SI: variants seen among roughly 807,000 people sequenced by gnomAD.
SI encodes sucrase-isomaltase, intestinal.
In SI, 235 loss-of-function variants were observed where a neutral mutation model predicts 253.3. That is an observed-to-expected ratio of 0.93 (90% CI 0.83 to 1.03). The LOEUF is 1.03. Ranked by LOEUF, SI falls within the 50% of genes least tolerant of loss-of-function variation. The pLI is 0.00. For synonymous variants in SI, 819 were observed against 712.0 expected (o/e 1.15, Z -2.39); for missense variants, 2,442 against 2,211.1 (o/e 1.10, Z -2.09).
chr3:165,087,915 G>T, the SI span, among the ~76,000 whole-genome samples: 1 of 152,130 alleles, frequency 6.6e-6, no homozygotes, highest in African/African-American at 2.4e-5. Context: ...ATTCTATGAA[G>T]TTTTAATGCC....
the SI span, among the ~76,000 whole-genome samples, chr3:165,089,278 G>C: frequency 6.6e-6 from 1 of 152,014 alleles, no homozygotes; most frequent in Admixed American, 6.6e-5. Flanking sequence ...AAACAGGAGA[G>C]ATTAAACTAT....
Position 165,023,706 on chromosome 3 carries a change from G to A in SI, c.2963C>T (p.Ala988Val), listed in dbSNP as rs749906809. The A allele has an allele frequency of 1.9e-6, 3 of 1,610,650 alleles. No individual in the cohort carries two copies. The highest frequency in any genetic ancestry group is 1.7e-5 in the Admixed American group (1 of 59,632). Residue 988 changes from alanine to valine, a missense_variant, in exon 26 of 48, where the codon GCT (alanine) becomes GTT (valine). Ala to Val is a moderately conservative substitution (Grantham distance 64). Coordinates refer to ENST00000264382, the MANE Select transcript of SI (RefSeq NM_001041.4). ...TGTTATACCCATGGATGAATAGCGAGCTGAGTTGACTGAATAAGAGTTATC... is the reference window on the plus strand; with the variant it reads ...TGTTATACCCATGGATGAATAGCGAACTGAGTTGACTGAATAAGAGTTATC... ...RQDNSYSVNS[A>V]RYSSMGITAD...
chr3:165,033,709 A>G (rs959308640), intron 22 of SI, among the ~76,000 whole-genome samples: 1 of 151,578 alleles, frequency 6.6e-6, no homozygotes, highest in Admixed American at 6.6e-5. Flanking sequence ...CTGGAAATTA[A>G]GAGAAAGCAA....
In SI at chr3:164,996,519, T is replaced by G. The variant is rs755033393; in HGVS notation, c.4692+16A>C. On this transcript the variant is annotated intron_variant, in intron 40 of 47. Transcript: ENST00000264382. ...CAAGTAAGAAAATACTGAAAGTAAA[T>G]GTAGTAATTACATACTCTAGTATTT... is the stretch of plus-strand genomic sequence containing the variant. 45 of 1,250,944 alleles carry G rather than the reference T, an allele frequency of 3.6e-5. No homozygotes were observed. In the South Asian group the frequency reaches 5.0e-4, roughly 14 times the overall value. 77.5% of individuals were successfully genotyped at this position (1,250,944 alleles called of 1,614,324 possible). A position where few individuals can be genotyped will look rare whatever the true frequency, so the allele number is the denominator to read the frequency against.
chr3:165,037,366 G>A (rs1037768791), intron 21 of SI, among the ~76,000 whole-genome samples: 1 of 151,918 alleles, frequency 6.6e-6, no homozygotes, highest in Non-Finnish European at 1.5e-5. Context: ...GAATGAATAT[G>A]TGAAATGGAG....
chr3:165,075,466 C>G (rs1206875320), intron 2 of SI, among the ~76,000 whole-genome samples: 3 of 151,768 alleles, frequency 2.0e-5, no homozygotes, highest in Non-Finnish European at 2.9e-5. Context: ...TCTCATACAA[C>G]CTCTCTCTCT....
intron 26 of SI, 51 bp downstream of exon 26, chr3:165,023,519 T>C: frequency 8.4e-7 from 1 of 1,185,286 alleles, no homozygotes; most frequent in Non-Finnish European, 1.3e-6. Flanking sequence ...TTATTCAAAA[T>C]CTCATCTCAC....
chr3:165,064,557 A>G lies in SI; in HGVS notation c.807+704T>C, dbSNP rs140009012. Among the ~76,000 whole-genome samples the G allele has an allele frequency of 7.9e-5, 12 of 152,178 alleles. No individual in the cohort carries two copies. In the East Asian group the frequency reaches 2.3e-3, roughly 29 times the overall value. On this transcript the variant is annotated intron_variant, in intron 7 of 47. Transcript: ENST00000264382. ...CCCAAATCCATCATGAATCAAACAT[A>G]TTTTTTTAAAGTTATGATGTTTGGT... is the stretch of plus-strand genomic sequence containing the variant.
intron 28 of SI, 56 bp from the exon 29 acceptor site, chr3:165,018,122 AATCAATG>A (rs1229715818): frequency 1.1e-5 from 11 of 1,006,312 alleles, no homozygotes; most frequent in African/African-American, 9.6e-5. Context: ...ATGTGAATTT[AATCAATG>A]TTATTTTAAA....
At chr3:165,081,083 GGT>G (rs1715305975), upstream of SI, among the ~76,000 whole-genome samples, 1 of 151,442 alleles carries the variant, frequency 6.6e-6, no homozygotes, top group African/African-American at 2.4e-5. Flanking sequence ...AATCGAATAA[GGT>G]GTTCAAAAAA....
intron 25 of SI, among the ~76,000 whole-genome samples, chr3:165,028,356 C>A (rs1472413636): frequency 6.6e-6 from 1 of 151,460 alleles, no homozygotes; most frequent in Non-Finnish European, 1.5e-5. Flanking sequence ...GTGAAAATGA[C>A]CATACTGCCA....
chr3:165,070,181 T>A (rs1001739629), intron 3 of SI, among the ~76,000 whole-genome samples: 2 of 87,112 alleles, frequency 2.3e-5, no homozygotes, highest in African/African-American at 7.8e-5. Flanking sequence ...TTGATATATT[T>A]ATTTATATAT....
At chr3:164,995,453 A>G (rs774987205) in intron 40 of SI, among the ~76,000 whole-genome samples, 4 of 151,838 alleles carry the variant, frequency 2.6e-5, no homozygotes, top group Non-Finnish European at 4.4e-5. Context: ...AAACTATACA[A>G]TTCGAGTAAT....
chr3:165,076,473 G>C (rs1419401442), intron 1 of SI, among the ~76,000 whole-genome samples: 1 of 151,698 alleles, frequency 6.6e-6, no homozygotes, highest in African/African-American at 2.4e-5. Context: ...CAAAGAATAA[G>C]TTATAGTTCA....
intron 34 of SI, among the ~76,000 whole-genome samples, chr3:165,009,856 C>T (rs1310232757): frequency 1.3e-5 from 2 of 152,100 alleles, no homozygotes; most frequent in Non-Finnish European, 2.9e-5. Context: ...TCACATCTAG[C>T]CCTTCTCATC....
At chr3:165,036,673 T>G (rs558093487) in intron 21 of SI, among the ~76,000 whole-genome samples, 196 bp from the exon 22 acceptor site, 1 of 151,966 alleles carries the variant, frequency 6.6e-6, no homozygotes, top group African/African-American at 2.4e-5. Context: ...CGAAATAATT[T>G]ATACATGTAG....
rs1230169118 is a variant in SI, at chr3:165,019,590, G to C, written c.3423+12C>G. 1.2e-6 allele frequency: 2 copies of C among 1,611,400 alleles called. No individual in the cohort carries two copies. The highest frequency in any genetic ancestry group is 1.7e-6 in the Non-Finnish European group (2 of 1,178,122). Reference sequence around the variant, plus strand: ...TAGTTGCCTCGTGGAGTGGTCATATGTTGGTACCTACACCAGGGGGTTGGT... The same window carrying C: ...TAGTTGCCTCGTGGAGTGGTCATATCTTGGTACCTACACCAGGGGGTTGGT... On this transcript the variant is annotated intron_variant, in intron 28 of 47. Coordinates refer to ENST00000264382, the MANE Select transcript of SI (RefSeq NM_001041.4).
chr3:165,042,057 AG>A (rs1196341862), intron 17 of SI, among the ~76,000 whole-genome samples: 1 of 151,984 alleles, frequency 6.6e-6, no homozygotes, highest in African/African-American at 2.4e-5. Flanking sequence ...GGTGGTCTGC[AG>A]GCTCTCCTCA....
chr3:165,010,746 G>A (rs1162546920), intron 34 of SI, among the ~76,000 whole-genome samples: 2 of 152,040 alleles, frequency 1.3e-5, no homozygotes, highest in East Asian at 3.9e-4. Flanking sequence ...AATCAATCAG[G>A]TACATGTAAT....
Sources: gnomAD v4.1 joint callset for allele counts (sites outside exome capture counted in the v4.1 genomes callset) on GRCh38, gnomAD v4.1.1 for gene constraint, MANE v1.5 for transcripts, NCBI Gene and HGNC (gene_info 2026-07-23, HGNC 2026-07-21) for gene names.